Variants in SLC25A21 observed in about 807,000 individuals in gnomAD.
The protein encoded by SLC25A21 is mitochondrial 2-oxodicarboxylate carrier.
In SLC25A21, 47 loss-of-function variants were observed where a neutral mutation model predicts 43.8. The ratio of observed to expected loss-of-function variants is 1.07; its 90% confidence interval spans 0.85 to 1.37. The LOEUF (loss-of-function observed/expected upper bound fraction) is 1.37. Ranked by LOEUF, SLC25A21 falls within the 40% of genes most tolerant of loss-of-function variation. The pLI is 0.00. For synonymous variants in SLC25A21, 131 were observed against 121.3 expected, an observed-to-expected ratio of 1.08 and a Z score of -0.52; for missense variants, 352 against 350.2, an observed-to-expected ratio of 1.00 and a Z score of -0.04.
At chr14:36,869,068 C>T (rs7157282) in intron 2 of SLC25A21, among the ~76,000 whole-genome samples, 66,641 of 152,058 alleles carry the variant, frequency 0.44, 16,034 homozygotes, top group Non-Finnish European at 0.52. Flanking sequence ...ATCTCTAGGT[C>T]GCCTCACAGT....
At chr14:36,777,271 CA>C (rs1179489696) in intron 3 of SLC25A21, among the ~76,000 whole-genome samples, 1 of 151,922 alleles carries the variant, frequency 6.6e-6, no homozygotes, top group Non-Finnish European at 1.5e-5. Flanking sequence ...AAAACAAAAA[CA>C]AAAAACACAA....
intron 3 of SLC25A21, among the ~76,000 whole-genome samples, chr14:36,787,759 T>A (rs1887304057): frequency 6.6e-6 from 1 of 152,230 alleles, no homozygotes; most frequent in Non-Finnish European, 1.5e-5. Context: ...TACAGAAACA[T>A]GTCCAGCCAA....
intron 2 of SLC25A21, among the ~76,000 whole-genome samples, chr14:36,840,322 T>C (rs1255874009): frequency 6.6e-6 from 1 of 152,124 alleles, no homozygotes; most frequent in Non-Finnish European, 1.5e-5. Context: ...CTTTTTCCAA[T>C]TGAAAACAAA....
At position 37,170,040 on chromosome 14, in the gene SLC25A21, C is replaced by G. The variant is rs556260457; in HGVS notation, c.70+2241G>C. 5.2e-4 allele frequency among the ~76,000 whole-genome samples: 79 copies of G among 152,046 alleles called. 1 individual carries two copies. Among genetic ancestry groups the G allele is most frequent in the African/African-American group, 1.7e-3 (69 of 41,514 alleles). Reference sequence around the variant, plus strand: ...AGCATAAGTAGGATCAGAGTTTGATCTACTTTTTTTTTTTGAGACCGAGTC... The same window carrying G: ...AGCATAAGTAGGATCAGAGTTTGATGTACTTTTTTTTTTTGAGACCGAGTC... On this transcript the variant is annotated intron_variant, in intron 1 of 9. Transcript: ENST00000331299.
intron 1 of SLC25A21, among the ~76,000 whole-genome samples, chr14:37,119,966 A>G (rs1963177311): frequency 6.6e-6 from 1 of 152,338 alleles, no homozygotes; most frequent in South Asian, 2.1e-4. Context: ...AGGAGATTCA[A>G]TGTTCAGACT....
At chr14:37,007,623 A>ATAATAATAATAATAATAAT in intron 1 of SLC25A21, among the ~76,000 whole-genome samples, 1 of 151,488 alleles carries the variant, frequency 6.6e-6, no homozygotes, top group South Asian at 2.1e-4. Context: ...AATAATAATA[A>ATAATAATAATAATAATAAT]AGAACTTTGA....
At chr14:36,684,611 A>G (rs2139139662) in intron 8 of SLC25A21, 133 bp downstream of exon 8, 1 of 752,580 alleles carries the variant, frequency 1.3e-6, no homozygotes, top group Middle Eastern at 4.0e-4. Flanking sequence ...AGTTTGTCAT[A>G]TATATTCGCA....
At chr14:36,867,191 C>A (rs1372474228) in intron 2 of SLC25A21, among the ~76,000 whole-genome samples, 1 of 152,138 alleles carries the variant, frequency 6.6e-6, no homozygotes, top group Non-Finnish European at 1.5e-5. Context: ...CCAATCCAGT[C>A]ACTGAAACTC....
At chr14:36,695,601 T>C (rs1001314470) in intron 7 of SLC25A21, among the ~76,000 whole-genome samples, 2 of 152,214 alleles carry the variant, frequency 1.3e-5, no homozygotes, top group Non-Finnish European at 1.5e-5. Flanking sequence ...CAGTGGTTTG[T>C]AGTTCTCCTT....
At chr14:37,014,753 A>C (rs1332305671) in intron 1 of SLC25A21, among the ~76,000 whole-genome samples, 1 of 152,180 alleles carries the variant, frequency 6.6e-6, no homozygotes, top group Non-Finnish European at 1.5e-5. Flanking sequence ...TTCTTTAATA[A>C]CAAGACTTGA....
intron 7 of SLC25A21, among the ~76,000 whole-genome samples, chr14:36,694,520 CCCA>C (rs1420869073): frequency 1.1e-4 from 16 of 152,174 alleles, no homozygotes; most frequent in African/African-American, 3.1e-4. Flanking sequence ...AATTTACACT[CCCA>C]CCAACAGTGT....
At position 36,697,649 on chromosome 14, in the gene SLC25A21, CT is replaced by C. The variant is rs1240835518; in HGVS notation, c.604-12725del. On this transcript the variant is annotated intron_variant, in intron 7 of 9. Transcript: ENST00000331299. ...TTAGCTCTTCTTGTTGAATTGATCC[CT>C]TTACCATTATGTAATGGCCTTCTTT... Among the ~76,000 whole-genome samples the C allele has an allele frequency of 2.6e-5, 4 of 152,002 alleles. No homozygotes were observed. In the East Asian group the frequency reaches 7.7e-4, roughly 29 times the overall value.
At chr14:37,020,155 T>C (rs1960953035) in intron 1 of SLC25A21, among the ~76,000 whole-genome samples, 1 of 151,908 alleles carries the variant, frequency 6.6e-6, no homozygotes, top group Admixed American at 6.6e-5. Flanking sequence ...GCCAACACTG[T>C]GTTAAATAAA....
At chr14:36,829,630 C>T (rs1156823881) in intron 2 of SLC25A21, among the ~76,000 whole-genome samples, 6 of 152,118 alleles carry the variant, frequency 3.9e-5, no homozygotes, top group African/African-American at 4.8e-5. Context: ...TTTGGAGTGC[C>T]GTCTGTTTCT....
chr14:36,850,481 G>T (rs1889691553), intron 2 of SLC25A21, among the ~76,000 whole-genome samples: 1 of 151,922 alleles, frequency 6.6e-6, no homozygotes, highest in African/African-American at 2.4e-5. Flanking sequence ...AGGGCAAGAA[G>T]GTAAAAGAAA....
chr14:37,158,192 C>CA (rs1290310531), intron 1 of SLC25A21, among the ~76,000 whole-genome samples: 1 of 152,080 alleles, frequency 6.6e-6, no homozygotes, highest in Admixed American at 6.5e-5. Flanking sequence ...GAAACTATTG[C>CA]AAAAAACTGA....
intron 1 of SLC25A21, among the ~76,000 whole-genome samples, chr14:37,023,647 A>C (rs1013049126): frequency 2.0e-5 from 3 of 151,888 alleles, no homozygotes; most frequent in Non-Finnish European, 4.4e-5. Flanking sequence ...GGCCTTTACA[A>C]TCTCAAGTGC....
At chr14:36,684,061 G>T (rs1382338909) in intron 8 of SLC25A21, among the ~76,000 whole-genome samples, 181 bp from the exon 9 acceptor site, 1 of 152,180 alleles carries the variant, frequency 6.6e-6, no homozygotes, top group Non-Finnish European at 1.5e-5. Context: ...AAGAGTTAAT[G>T]AATTCTTTAT....
At chr14:36,946,581 A>C (rs771239795) in intron 1 of SLC25A21, among the ~76,000 whole-genome samples, 2 of 152,188 alleles carry the variant, frequency 1.3e-5, no homozygotes, top group Non-Finnish European at 2.9e-5. Flanking sequence ...GTATAAATAG[A>C]ATTAAGAAAA....
Sources: gnomAD v4.1 joint callset for allele counts (sites outside exome capture counted in the v4.1 genomes callset) on GRCh38, gnomAD v4.1.1 for gene constraint, MANE v1.5 for transcripts, NCBI Gene and HGNC (gene_info 2026-07-23, HGNC 2026-07-21) for gene names.